Variants in PAH observed in about 807,000 individuals in gnomAD.
The protein encoded by PAH is phenylalanine-4-hydroxylase.
PAH carries 64 observed loss-of-function variants against 62.0 expected under a neutral mutation model. The observed-to-expected ratio is 1.03, with a 90% CI of 0.84 to 1.27. The LOEUF is 1.27. Ranked by LOEUF, PAH falls within the 50% of genes most tolerant of loss-of-function variation. PAH has a pLI of 0.00. For missense variants in PAH, 579 were observed against 542.8 expected (o/e 1.07, Z -0.66); for synonymous variants, 195 against 196.2 (o/e 0.99, Z 0.05).
chr12:102,862,393 A>C (rs1718307), intron 5 of PAH, among the ~76,000 whole-genome samples: 1 of 151,796 alleles, frequency 6.6e-6, no homozygotes, highest in South Asian at 2.1e-4. Context: ...ACTGAGTCTA[A>C]TGAAGGGTGG....
intron 3 of PAH, among the ~76,000 whole-genome samples, chr12:102,890,560 T>C (rs993276892): frequency 6.6e-6 from 1 of 152,192 alleles, no homozygotes; most frequent in Non-Finnish European, 1.5e-5. Context: ...CACTATGGGA[T>C]TGGGTGACCA....
At chr12:102,845,283 A>T (rs772895) in intron 9 of PAH, among the ~76,000 whole-genome samples, 134,865 of 152,162 alleles carry the variant, frequency 0.89, 59,942 homozygotes, top group African/African-American at 0.95. Context: ...TCCCAACAAT[A>T]TGTTCTCCAT....
In PAH at chr12:102,871,938, AAAAAAAAAAAAATATATATATATATATAT is replaced by A. The variant is rs1283095410; in HGVS notation, c.442-5304_442-5276del. 2.5e-3 allele frequency among the ~76,000 whole-genome samples: 124 copies of A among 49,866 alleles called. 1 individual carries two copies. Among genetic ancestry groups the A allele is most frequent in the African/African-American group, 0.015 (122 of 8,076 alleles). 32.7% of individuals were successfully genotyped at this position (49,866 alleles called of 152,430 possible). A position where few individuals can be genotyped will look rare whatever the true frequency, so the allele number is the denominator to read the frequency against. On this transcript the variant is annotated intron_variant, in intron 4 of 12. Coordinates refer to ENST00000553106, the MANE Select transcript of PAH (RefSeq NM_000277.3). ...ACTCTGCCTCAAAAAAAAAAAAAAAAAAAAAAAAAAAATATATATATATATATATATATATATATATATATATTTGCAAA... is the reference window on the plus strand; with the variant it reads ...ACTCTGCCTCAAAAAAAAAAAAAAAAATATATATATATATATATTTGCAAA...
Position 102,862,982 on chromosome 12 carries a change from C to T in PAH, c.509+3614G>A, listed in dbSNP as rs77743659. Among the ~76,000 whole-genome samples, 595 of 151,638 alleles carry T rather than the reference C, an allele frequency of 3.9e-3. 14 individuals carry two copies. In the East Asian group the frequency reaches 0.062, roughly 16 times the overall value. On this transcript the variant is annotated intron_variant, in intron 5 of 12. Coordinates refer to ENST00000553106, the MANE Select transcript of PAH (RefSeq NM_000277.3). ...AATCAGGTAAGCTCTTGCCCAAGAA[C>T]GCGCCATTATCGAGACTAAGCACTG... is the stretch of plus-strand genomic sequence containing the variant.
chr12:102,931,109 G>A (rs1029339300), intron 1 of PAH, among the ~76,000 whole-genome samples: 7 of 152,072 alleles, frequency 4.6e-5, no homozygotes, highest in African/African-American at 1.7e-4. Context: ...AATTTACCTG[G>A]AATTTGTGGC....
At chr12:102,844,290 T>A (rs1395954297) in intron 10 of PAH, 46 bp downstream of exon 10, 2 of 1,317,960 alleles carry the variant, frequency 1.5e-6, no homozygotes, top group African/African-American at 2.9e-5. Flanking sequence ...TGGTTTTCTG[T>A]ACCCACCACT....
intron 3 of PAH, among the ~76,000 whole-genome samples, chr12:102,882,642 C>CTATATA (rs869088873): frequency 2.1e-3 from 179 of 85,840 alleles, no homozygotes; most frequent in East Asian, 0.017. Context: ...TATATATACA[C>CTATATA]TATATATATA....
At chr12:102,879,605 T>TGGGG (rs3062683) in intron 3 of PAH, among the ~76,000 whole-genome samples, 1 of 139,352 alleles carries the variant, frequency 7.2e-6, no homozygotes, top group Non-Finnish European at 1.6e-5. Flanking sequence ...ATTTTACCTG[T>TGGGG]GGGGGGGGGG....
intron 2 of PAH, among the ~76,000 whole-genome samples, chr12:102,901,393 A>T (rs1877755785): frequency 6.6e-6 from 1 of 152,214 alleles, no homozygotes; most frequent in African/African-American, 2.4e-5. Context: ...TGAGAGTTTA[A>T]AAAAGCAAAA....
intron 9 of PAH, among the ~76,000 whole-genome samples, chr12:102,844,943 G>C (rs1874770173): frequency 6.6e-6 from 1 of 152,130 alleles, no homozygotes; most frequent in African/African-American, 2.4e-5. Flanking sequence ...TCTCAGCCTT[G>C]ATAACTGTGT....
intron 2 of PAH, among the ~76,000 whole-genome samples, chr12:102,895,335 G>A (rs1877454829): frequency 6.6e-6 from 1 of 151,918 alleles, no homozygotes; most frequent in Non-Finnish European, 1.5e-5. Context: ...TTGAATAGGG[G>A]GTCAGACTTA....
At chr12:102,850,830 G>A (rs564104064) in intron 8 of PAH, among the ~76,000 whole-genome samples, 2 of 152,302 alleles carry the variant, frequency 1.3e-5, no homozygotes, top group African/African-American at 2.4e-5. Flanking sequence ...GCTCTTGCCT[G>A]TAATCTTAGC....
rs760256025 is a variant in PAH at position 102,843,660 on chromosome 12, G to T, written c.1185C>A (p.Ala395=). 1.9e-5 allele frequency: 30 copies of T among 1,613,448 alleles called. No homozygotes were observed. Among genetic ancestry groups the T allele is most frequent in the Non-Finnish European group, 2.4e-5 (28 of 1,179,790 alleles). ...CACCACCTCACCTTACTTTCTCCTT[G>T]GCATCATTAAAACTCTCTGCCACGT... ...LYYVAESFND[A]KEKVRNFAAT... is the part of the protein sequence containing the mutation. The change falls in exon 11 of 13, where the codon GCC becomes GCA. Residue 395 remains alanine (A), a synonymous_variant. Transcript: ENST00000553106.
rs199475663 is a variant in PAH, at chr12:102,866,641, C to T, written c.464G>A (p.Arg155His). 2.9e-5 allele frequency: 46 copies of T among 1,613,504 alleles called. No individual in the cohort carries two copies. The highest frequency in any genetic ancestry group is 1.6e-4 in the Middle Eastern group (1 of 6,080). ...DHPGFKDPVY[R>H]ARRKQFADIA... is the part of the protein sequence containing the mutation. ...GTCAGCAAACTGCTTCCGTCTTGCA[C>T]GGTACACAGGATCTTTAAAACCCTA... Residue 155 changes from arginine (R) to histidine (H), a missense_variant, in exon 5 of 13, where the codon CGT (arginine) becomes CAT (histidine). Arg to His is a conservative substitution (Grantham distance 29). Coordinates refer to ENST00000553106, the MANE Select transcript of PAH (RefSeq NM_000277.3).
chr12:102,841,739 C>T (rs1874604581), intron 11 of PAH, among the ~76,000 whole-genome samples: 1 of 152,194 alleles, frequency 6.6e-6, no homozygotes, highest in South Asian at 2.1e-4. Flanking sequence ...CTGCTCTGCA[C>T]CTCTTCCTCC....
In PAH at chr12:102,865,616, G is replaced by A. The variant is rs112461253; in HGVS notation, c.509+980C>T. ...CTGAGCTGGGGCAAAGGTGGAGTCA[G>A]GAAAGGGAGGTCACCATCTTCTGTG... On this transcript the variant is annotated intron_variant, in intron 5 of 12. Coordinates refer to ENST00000553106, the MANE Select transcript of PAH (RefSeq NM_000277.3). 1.4e-3 allele frequency among the ~76,000 whole-genome samples: 212 copies of A among 152,276 alleles called. 1 individual carries two copies. Among genetic ancestry groups the A allele is most frequent in the African/African-American group, 4.5e-3 (188 of 41,554 alleles).
Position 102,839,006 on chromosome 12 carries a change from T to A in PAH, c.*169A>T. The A allele has an allele frequency of 3.0e-6, 2 of 665,174 alleles. No homozygotes were observed. The highest frequency in any genetic ancestry group is 5.4e-6 in the Non-Finnish European group (2 of 373,030). 41.2% of individuals were successfully genotyped at this position (665,174 alleles called of 1,614,324 possible). A position where few individuals can be genotyped will look rare whatever the true frequency, so the allele number is the denominator to read the frequency against. ...TTATGCTCTTGAGTATGTACTCATA[T>A]CCTGTCATTTCAGATTATTTTGACT... On this transcript the variant is annotated 3_prime_UTR_variant, in exon 13 of 13. Coordinates refer to ENST00000553106, the MANE Select transcript of PAH (RefSeq NM_000277.3).
chr12:102,902,224 G>A (rs1877790233), intron 2 of PAH, among the ~76,000 whole-genome samples: 1 of 152,196 alleles, frequency 6.6e-6, no homozygotes, highest in African/African-American at 2.4e-5. Flanking sequence ...GACCAACAAG[G>A]AGACCGGTGT....
At chr12:102,854,996 C>A in intron 6 of PAH, 140 bp downstream of exon 6, 1 of 751,416 alleles carries the variant, frequency 1.3e-6, no homozygotes, top group Non-Finnish European at 2.4e-6. Context: ...TTAGTTCTTC[C>A]TGGAGGAATC....
Sources: allele counts gnomAD v4.1 joint callset (sites outside exome capture counted in the v4.1 genomes callset), GRCh38; gene constraint gnomAD v4.1.1; transcripts MANE v1.5; gene names NCBI Gene and HGNC (gene_info 2026-07-23, HGNC 2026-07-21).